SGCD: variants seen among roughly 807,000 people sequenced by gnomAD.
SGCD encodes the protein delta-sarcoglycan.
A neutral mutation model predicts 36.6 loss-of-function variants in SGCD; 18 were observed. That is an observed-to-expected ratio of 0.49 (90% CI 0.34 to 0.73). The LOEUF (loss-of-function observed/expected upper bound fraction) is 0.73, where lower values mean the gene tolerates loss of function less well. Ranked by LOEUF, SGCD falls within the 30% of genes least tolerant of loss-of-function variation. SGCD has a pLI of 0.01. For synonymous variants in SGCD, 133 were observed against 130.6 expected (o/e 1.02, Z -0.12); for missense variants, 387 against 346.7 (o/e 1.12, Z -0.92).
upstream of SGCD, among the ~76,000 whole-genome samples, chr5:156,321,861 A>T (rs542418137): frequency 6.6e-6 from 1 of 151,932 alleles, no homozygotes; most frequent in African/African-American, 2.4e-5. Flanking sequence ...CTTCACATCC[A>T]CTTCTTGGCT....
intron 5 of SGCD, among the ~76,000 whole-genome samples, chr5:156,589,934 G>A (rs1213352464): frequency 1.3e-5 from 2 of 152,134 alleles, no homozygotes; most frequent in Admixed American, 1.3e-4. Context: ...AACAAGGACT[G>A]GTTATTCACA....
intron 1 of SGCD, among the ~76,000 whole-genome samples, chr5:156,083,335 T>G (rs1761010071): frequency 6.6e-6 from 1 of 151,742 alleles, no homozygotes; most frequent in East Asian, 1.9e-4. Flanking sequence ...GCTCTTGTTG[T>G]CCAGGCTGGA....
At chr5:156,217,101 AAAAG>A (rs776153311) in intron 3 of SGCD, among the ~76,000 whole-genome samples, 1 of 152,154 alleles carries the variant, frequency 6.6e-6, no homozygotes, top group African/African-American at 2.4e-5. Context: ...AATAAAATAA[AAAAG>A]AAAGAAAGAA....
chr5:156,216,308 A>G (rs183984332), intron 3 of SGCD, among the ~76,000 whole-genome samples: 6 of 152,344 alleles, frequency 3.9e-5, no homozygotes, highest in African/African-American at 1.4e-4. Flanking sequence ...TACTAGGAAT[A>G]GATTTTAAAT....
rs976991623 is a variant in SGCD, at chr5:156,229,420, A to T, written c.-43-100114A>T. Among the ~76,000 whole-genome samples, 8 of 150,696 alleles carry T rather than the reference A, an allele frequency of 5.3e-5. 1 individual carries two copies. The highest frequency in any genetic ancestry group is 1.3e-4 in the Admixed American group (2 of 15,078). ...AAAAGACCTTATCTTTCCTTCATATATGAAGCTTAGTTTCACTGGATACAA... is the reference window on the plus strand; with the variant it reads ...AAAAGACCTTATCTTTCCTTCATATTTGAAGCTTAGTTTCACTGGATACAA... On this transcript the variant is annotated intron_variant, in intron 3 of 9. Coordinates refer to the SGCD transcript ENST00000517913.
At position 156,692,090 on chromosome 5, in the gene SGCD, AAAAC is replaced by A. The variant is rs1260144623; in HGVS notation, c.575+44558_575+44561del. Reference sequence around the variant, plus strand: ...AAATCAAATTAGAAGTTCACAGTAAAAAACAAATTCCCACATAAATCCCAATTTC... The same window carrying A: ...AAATCAAATTAGAAGTTCACAGTAAAAAATTCCCACATAAATCCCAATTTC... On this transcript the variant is annotated intron_variant, in intron 7 of 8. Transcript: ENST00000337851. Among the ~76,000 whole-genome samples, 10 of 152,368 alleles carry A rather than the reference AAAAC, an allele frequency of 6.6e-5. No homozygotes were observed. The East Asian group carries it at 1.7e-3, about 26-fold the overall frequency.
At chr5:156,203,314 A>G (rs535003475) in intron 3 of SGCD, among the ~76,000 whole-genome samples, 35 of 152,238 alleles carry the variant, frequency 2.3e-4, no homozygotes, top group African/African-American at 7.9e-4. Flanking sequence ...CAAGATCACC[A>G]TAAGAATGAA....
chr5:156,194,804 T>C (rs1260685393), intron 3 of SGCD, among the ~76,000 whole-genome samples: 2 of 152,074 alleles, frequency 1.3e-5, no homozygotes, highest in African/African-American at 4.8e-5. Flanking sequence ...TTGGGGAAAA[T>C]AGTTGAACCT....
At chr5:156,392,760 G>A (rs545771571) in intron 3 of SGCD, among the ~76,000 whole-genome samples, 6 of 152,186 alleles carry the variant, frequency 3.9e-5, no homozygotes, top group South Asian at 2.1e-4. Flanking sequence ...CCTTGGAGTC[G>A]GGCCCCTTGG....
At position 156,516,921 on chromosome 5, in the gene SGCD, C is replaced by T. The variant is rs117191490; in HGVS notation, c.294+8219C>T. ...GCTGAGGCAGGACAATTGCTTGAACCCGGAAGGTGGAGGTTGCAGTCAGCC... is the reference window on the plus strand; with the variant it reads ...GCTGAGGCAGGACAATTGCTTGAACTCGGAAGGTGGAGGTTGCAGTCAGCC... On this transcript the variant is annotated intron_variant, in intron 4 of 8. Coordinates refer to ENST00000337851, the MANE Select transcript of SGCD (RefSeq NM_000337.6). Among the ~76,000 whole-genome samples the T allele has an allele frequency of 0.012, 1,844 of 152,194 alleles. 92 individuals are homozygous for T. In the East Asian group the frequency reaches 0.17, roughly 14 times the overall value.
intron 3 of SGCD, among the ~76,000 whole-genome samples, chr5:156,406,032 A>AAAAG (rs1379864001): frequency 2.0e-5 from 3 of 151,446 alleles, no homozygotes; most frequent in Non-Finnish European, 2.9e-5. Context: ...AAAAAAAAAA[A>AAAAG]AAGGCCTCTG....
the SGCD span, among the ~76,000 whole-genome samples, chr5:155,805,551 C>T: frequency 1.3e-5 from 2 of 152,210 alleles, no homozygotes; most frequent in African/African-American, 4.8e-5. Context: ...TTAGCAGCAT[C>T]TCTGGCTGCT....
the SGCD span, among the ~76,000 whole-genome samples, chr5:155,816,857 A>G: frequency 6.6e-6 from 1 of 152,224 alleles, no homozygotes; most frequent in Admixed American, 6.5e-5. Context: ...AGTTTGGTTC[A>G]TAAAAATTAT....
chr5:156,411,942 A>G (rs1198107259), intron 3 of SGCD, among the ~76,000 whole-genome samples: 2 of 152,244 alleles, frequency 1.3e-5, no homozygotes, highest in African/African-American at 4.8e-5. Context: ...AGCCAGAAAG[A>G]AAAGTCTGAA....
chr5:156,013,422 T>C (rs1758902804), intron 1 of SGCD, among the ~76,000 whole-genome samples: 1 of 152,222 alleles, frequency 6.6e-6, no homozygotes, highest in Non-Finnish European at 1.5e-5. Flanking sequence ...TAATACATCT[T>C]GTTAAATTTT....
chr5:155,998,646 G>C (rs1028420790), intron 1 of SGCD, among the ~76,000 whole-genome samples: 1 of 152,094 alleles, frequency 6.6e-6, no homozygotes, highest in African/African-American at 2.4e-5. Context: ...CTGGCCATTC[G>C]GATGACTGCA....
intron 1 of SGCD, among the ~76,000 whole-genome samples, chr5:156,049,793 C>T (rs546353829): frequency 6.8e-6 from 1 of 146,168 alleles, no homozygotes; most frequent in South Asian, 2.2e-4. Context: ...AAAGTTGATT[C>T]CAGTATTAAT....
At chr5:156,304,614 G>T (rs1767152575) in intron 3 of SGCD, among the ~76,000 whole-genome samples, 1 of 152,188 alleles carries the variant, frequency 6.6e-6, no homozygotes, top group Non-Finnish European at 1.5e-5. Flanking sequence ...TGCCAGTAGA[G>T]TGGGGCACTG....
intron 3 of SGCD, among the ~76,000 whole-genome samples, chr5:156,217,261 G>C (rs1411883067): frequency 1.4e-4 from 21 of 152,122 alleles, no homozygotes; most frequent in Admixed American, 1.4e-3. Flanking sequence ...CTTAGTGTTA[G>C]ACTGAAATTT....
Sources: gnomAD v4.1 joint callset for allele counts (sites outside exome capture counted in the v4.1 genomes callset) on GRCh38, gnomAD v4.1.1 for gene constraint, MANE v1.5 for transcripts, NCBI Gene and HGNC (gene_info 2026-07-23, HGNC 2026-07-21) for gene names.